Variants in HS6ST3 observed in about 807,000 individuals in gnomAD.
The protein encoded by HS6ST3 is heparan sulfate 6-O-sulfotransferase 3.
HS6ST3 carries 12 observed loss-of-function variants against 36.7 expected under a neutral mutation model. That is an observed-to-expected ratio of 0.33 (90% CI 0.21 to 0.53). HS6ST3 has a LOEUF of 0.53. Among genes scored for constraint, HS6ST3 ranks in the 20% least tolerant of loss-of-function variants. The probability of loss-of-function intolerance (pLI) is 0.95; values close to 1 mark genes in which losing one functional copy is unlikely to be tolerated. For synonymous variants in HS6ST3, 240 were observed against 257.5 expected (o/e 0.93, Z 0.65); for missense variants, 584 against 640.9 (o/e 0.91, Z 0.96).
At chr13:96,365,927 G>C (rs552437763) in intron 1 of HS6ST3, among the ~76,000 whole-genome samples, 1 of 152,190 alleles carries the variant, frequency 6.6e-6, no homozygotes, top group East Asian at 1.9e-4. Context: ...TTAAAAATAA[G>C]AATTTTAGTA....
chr13:96,542,161 T>C (rs2056181111), intron 1 of HS6ST3, among the ~76,000 whole-genome samples: 1 of 152,244 alleles, frequency 6.6e-6, no homozygotes, highest in East Asian at 1.9e-4. Context: ...AGATGGTCCC[T>C]GGCTCATTAA....
At chr13:96,123,224 G>C (rs1260301540) in intron 1 of HS6ST3, among the ~76,000 whole-genome samples, 1 of 152,104 alleles carries the variant, frequency 6.6e-6, no homozygotes, top group Non-Finnish European at 1.5e-5. Context: ...CTCTTAAGCT[G>C]TTAACTTATT....
intron 1 of HS6ST3, among the ~76,000 whole-genome samples, chr13:96,356,888 C>T (rs1287873485): frequency 2.0e-5 from 3 of 152,212 alleles, no homozygotes; most frequent in African/African-American, 7.2e-5. Context: ...GCTTCACCTA[C>T]ATTGAAAATC....
intron 1 of HS6ST3, among the ~76,000 whole-genome samples, chr13:96,141,390 G>A (rs1477878700): frequency 6.6e-6 from 1 of 151,582 alleles, no homozygotes; most frequent in Non-Finnish European, 1.5e-5. Flanking sequence ...CTGTTACCCT[G>A]TTGCCCAGGC....
chr13:96,734,949 G>A (rs1363728494), intron 1 of HS6ST3, among the ~76,000 whole-genome samples: 3 of 152,066 alleles, frequency 2.0e-5, no homozygotes, highest in Non-Finnish European at 4.4e-5. Context: ...TAGCAGTTAA[G>A]AAGCATCTTC....
rs189344173 is a variant in HS6ST3, at chr13:96,335,181, C to T, written c.707+243612C>T. On this transcript the variant is annotated intron_variant, in intron 1 of 1. Coordinates refer to ENST00000376705, the MANE Select transcript of HS6ST3 (RefSeq NM_153456.4). ...GTGCCATGTGCCCATCAAAGTCCATCCCCAGAAGCTGGAGAGCCTGGGACC... is the reference window on the plus strand; with the variant it reads ...GTGCCATGTGCCCATCAAAGTCCATTCCCAGAAGCTGGAGAGCCTGGGACC... Among the ~76,000 whole-genome samples the T allele has an allele frequency of 3.9e-4, 59 of 152,168 alleles. 1 individual carries two copies. Among genetic ancestry groups the T allele is most frequent in the Non-Finnish European group, 7.2e-4 (49 of 68,016 alleles).
At chr13:96,094,120 C>G (rs1418276342) in intron 1 of HS6ST3, among the ~76,000 whole-genome samples, 2 of 152,104 alleles carry the variant, frequency 1.3e-5, no homozygotes, top group African/African-American at 4.8e-5. Context: ...GGCTCTTGTA[C>G]TTACTAGCCA....
At chr13:96,367,083 A>G (rs1161902762) in intron 1 of HS6ST3, among the ~76,000 whole-genome samples, 2 of 152,210 alleles carry the variant, frequency 1.3e-5, no homozygotes, top group Non-Finnish European at 2.9e-5. Context: ...CAGCATGAGA[A>G]CAGACTAATA....
intron 1 of HS6ST3, among the ~76,000 whole-genome samples, chr13:96,774,238 A>G (rs979349488): frequency 3.3e-5 from 5 of 152,228 alleles, no homozygotes; most frequent in African/African-American, 1.2e-4. Context: ...CAGCTCAAAA[A>G]GTCTGAAAAT....
intron 1 of HS6ST3, among the ~76,000 whole-genome samples, chr13:96,745,744 T>C (rs917005898): frequency 1.3e-5 from 2 of 152,100 alleles, no homozygotes; most frequent in African/African-American, 4.8e-5. Context: ...TGACTCACAC[T>C]GGAGGTGGTT....
At chr13:96,183,159 A>T (rs149552544) in intron 1 of HS6ST3, among the ~76,000 whole-genome samples, 1 of 152,210 alleles carries the variant, frequency 6.6e-6, no homozygotes, top group Non-Finnish European at 1.5e-5. Context: ...TTGAAAATAT[A>T]AGCTTGGAAA....
At chr13:96,455,596 G>A (rs1201927317) in intron 1 of HS6ST3, among the ~76,000 whole-genome samples, 1 of 152,092 alleles carries the variant, frequency 6.6e-6, no homozygotes, top group African/African-American at 2.4e-5. Context: ...CAATATATTT[G>A]TGTCTCCAGC....
intron 1 of HS6ST3, among the ~76,000 whole-genome samples, chr13:96,483,963 A>C (rs2055901777): frequency 6.6e-6 from 1 of 152,138 alleles, no homozygotes; most frequent in South Asian, 2.1e-4. Context: ...TTCTCACATG[A>C]GGATGTCCAG....
At chr13:96,202,339 T>C (rs565307411) in intron 1 of HS6ST3, among the ~76,000 whole-genome samples, 1 of 152,328 alleles carries the variant, frequency 6.6e-6, no homozygotes, top group South Asian at 2.1e-4. Context: ...TTTTAATGCT[T>C]TCTAGCTACT....
intron 1 of HS6ST3, among the ~76,000 whole-genome samples, chr13:96,191,894 T>C (rs2054290183): frequency 6.6e-6 from 1 of 152,266 alleles, no homozygotes; most frequent in South Asian, 2.1e-4. Flanking sequence ...ATATAAGCTG[T>C]TTCTTGAAAC....
At chr13:96,488,635 A>C (rs1228137335) in intron 1 of HS6ST3, among the ~76,000 whole-genome samples, 2 of 152,052 alleles carry the variant, frequency 1.3e-5, no homozygotes, top group Non-Finnish European at 2.9e-5. Flanking sequence ...GAAGATTAGG[A>C]AAATGCACTT....
At chr13:96,367,757 G>C (rs1594764245) in intron 1 of HS6ST3, among the ~76,000 whole-genome samples, 1 of 152,290 alleles carries the variant, frequency 6.6e-6, no homozygotes, top group Middle Eastern at 3.4e-3. Flanking sequence ...AGCAACAGTG[G>C]AGGAAGTAAG....
At chr13:96,816,899 G>A (rs906145090) in intron 1 of HS6ST3, among the ~76,000 whole-genome samples, 3 of 152,092 alleles carry the variant, frequency 2.0e-5, no homozygotes, top group African/African-American at 4.8e-5. Context: ...GTGCTAGGTC[G>A]TGTTCTCTCT....
Position 96,481,850 on chromosome 13 carries a change from A to G in HS6ST3, c.708-350640A>G, listed in dbSNP as rs528976943. ...GAAAGCGCTCGGAGCTCCAAAGGAA[A>G]ACTAATTATTTTTCAAAATTCTCCT... On this transcript the variant is annotated intron_variant, in intron 1 of 1. Coordinates refer to ENST00000376705, the MANE Select transcript of HS6ST3 (RefSeq NM_153456.4). 2.0e-5 allele frequency among the ~76,000 whole-genome samples: 3 copies of G among 152,192 alleles called. No individual in the cohort carries two copies. The South Asian group carries it at 6.2e-4, about 32-fold the overall frequency.
Sources: allele counts gnomAD v4.1 joint callset (sites outside exome capture counted in the v4.1 genomes callset), GRCh38; gene constraint gnomAD v4.1.1; transcripts MANE v1.5; gene names NCBI Gene and HGNC (gene_info 2026-07-23, HGNC 2026-07-21).